Variants in DNM3 observed in about 807,000 individuals in gnomAD.
DNM3 encodes dynamin 3.
DNM3 carries 47 observed loss-of-function variants against 101.6 expected under a neutral mutation model. The observed-to-expected ratio is 0.46, with a 90% CI of 0.37 to 0.59. DNM3 has a LOEUF of 0.59. DNM3 is among the 20% of genes least tolerant of loss of function. DNM3 has a pLI of 0.00. For synonymous variants in DNM3, 385 were observed against 387.9 expected, an observed-to-expected ratio of 0.99 and a Z score of 0.09; for missense variants, 849 against 1,085.7, an observed-to-expected ratio of 0.78 and a Z score of 3.06.
chr1:172,215,986 G>A (rs1052893557), intron 14 of DNM3, among the ~76,000 whole-genome samples: 1,442 of 141,352 alleles, frequency 0.01, 29 homozygotes, highest in African/African-American at 0.036. Flanking sequence ...AAAACTTAAA[G>A]TATAATAATA....
chr1:171,963,539 A>G (rs1160270939), intron 2 of DNM3, among the ~76,000 whole-genome samples: 1 of 152,138 alleles, frequency 6.6e-6, no homozygotes, highest in African/African-American at 2.4e-5. Flanking sequence ...TGATGTATCA[A>G]TATAAGTTCA....
chr1:172,295,281 C>T (rs1042861001), intron 15 of DNM3, among the ~76,000 whole-genome samples: 20 of 152,136 alleles, frequency 1.3e-4, no homozygotes, highest in Non-Finnish European at 2.9e-5. Context: ...TAAGAATTTA[C>T]AACGGGGAAG....
chr1:171,976,513 A>G lies in DNM3; in HGVS notation c.236-11143A>G, dbSNP rs6668588. On this transcript the variant is annotated intron_variant, in intron 2 of 20. Transcript: ENST00000627582. ...TTCACTATCATGAGAACAGAATAGG[A>G]AAGACCCACCTCCATGATTCAATTA... is the stretch of plus-strand genomic sequence containing the variant. Among the ~76,000 whole-genome samples, 1,473 of 152,300 alleles carry G rather than the reference A, an allele frequency of 9.7e-3. 22 individuals are homozygous for G. The highest frequency in any genetic ancestry group is 0.033 in the African/African-American group (1,389 of 41,564).
chr1:171,942,432 C>T lies in DNM3; in HGVS notation c.235+20611C>T, dbSNP rs570288844. 2.6e-5 allele frequency among the ~76,000 whole-genome samples: 4 copies of T among 151,920 alleles called. No homozygotes were observed. The South Asian group carries it at 8.3e-4, about 32-fold the overall frequency. On this transcript the variant is annotated intron_variant, in intron 2 of 20. Transcript: ENST00000627582. ...TGCAAAACTAATACATGTATTTAAA[C>T]TAACACAACCTCAAAGGAATAAAAG...
rs560015204 is a variant in DNM3, at chr1:172,170,242, G to A, written c.1659+38954G>A. 9.2e-5 allele frequency among the ~76,000 whole-genome samples: 14 copies of A among 151,978 alleles called. 1 individual carries two copies. In the South Asian group the frequency reaches 2.9e-3, roughly 32 times the overall value. ...TTAAGTCCTCTCAATATCAAGTGGA[G>A]GTGCCATTAATATTCCCATTTAGTA... On this transcript the variant is annotated intron_variant, in intron 14 of 20. Coordinates refer to ENST00000627582, the MANE Select transcript of DNM3 (RefSeq NM_015569.5).
chr1:172,338,702 A>G (rs2066554888), intron 17 of DNM3: 1 of 389,380 alleles, frequency 2.6e-6, no homozygotes, highest in African/African-American at 2.1e-5. Context: ...CTGAGAGCTC[A>G]TATTAACTCA....
intron 15 of DNM3, among the ~76,000 whole-genome samples, chr1:172,259,928 A>G (rs2062570965): frequency 6.6e-6 from 1 of 151,176 alleles, no homozygotes; most frequent in Non-Finnish European, 1.5e-5. Flanking sequence ...TGGTTTTTAT[A>G]TTTGCATGTG....
At chr1:172,210,902 T>C (rs609222) in intron 14 of DNM3, among the ~76,000 whole-genome samples, 6,872 of 152,056 alleles carry the variant, frequency 0.045, 530 homozygotes, top group African/African-American at 0.16. Context: ...AGTTTAGAGA[T>C]AAACATGATA....
intron 2 of DNM3, among the ~76,000 whole-genome samples, chr1:171,973,402 C>CT (rs757098066): frequency 8.3e-4 from 126 of 151,472 alleles, no homozygotes; most frequent in Non-Finnish European, 1.2e-3. Flanking sequence ...TTACTCAATT[C>CT]TTTTTTTTTA....
chr1:172,207,305 G>A (rs183351138), intron 14 of DNM3, among the ~76,000 whole-genome samples: 1 of 152,220 alleles, frequency 6.6e-6, no homozygotes, highest in East Asian at 1.9e-4. Context: ...CAATAAGTGT[G>A]TGAATAGTTC....
chr1:172,375,540 G>T (rs2068552267), intron 17 of DNM3, among the ~76,000 whole-genome samples: 1 of 151,944 alleles, frequency 6.6e-6, no homozygotes, highest in Non-Finnish European at 1.5e-5. Flanking sequence ...GATTTACTAA[G>T]AAAAAGTCTT....
Position 172,048,605 on chromosome 1 carries a change from CCTT to C in DNM3, c.1197-5_1197-3del. On this transcript the variant is annotated splice_polypyrimidine_tract_variant and splice_region_variant and intron_variant, in intron 9 of 20. Transcript: ENST00000627582. ...ATCTCATGGGCTGCTTGCTTTCTTA[CCTT>C]CAGGACAGGGTTGTTTACTCCAGAC... is the stretch of plus-strand genomic sequence containing the variant. 6.3e-7 allele frequency: 1 copy of C among 1,596,716 alleles called. No homozygotes were observed. Among genetic ancestry groups the C allele is most frequent in the Non-Finnish European group, 8.5e-7 (1 of 1,174,406 alleles).
chr1:172,190,960 G>A (rs1278188793), intron 14 of DNM3, among the ~76,000 whole-genome samples: 1 of 152,126 alleles, frequency 6.6e-6, no homozygotes, highest in African/African-American at 2.4e-5. Context: ...CTCCCATTCT[G>A]TAGGTTGCCT....
chr1:172,227,304 A>ATATATATATATATATATATC (rs1215756972), intron 14 of DNM3, among the ~76,000 whole-genome samples: 1 of 131,536 alleles, frequency 7.6e-6, no homozygotes, highest in South Asian at 2.5e-4. Context: ...ATATATATAT[A>ATATATATATATATATATATC]TCACATTTTC....
chr1:172,178,255 G>A (rs2059222582), intron 14 of DNM3, among the ~76,000 whole-genome samples: 1 of 151,858 alleles, frequency 6.6e-6, no homozygotes, highest in African/African-American at 2.4e-5. Context: ...GTGGCATATG[G>A]CTGTAATAAG....
chr1:171,852,098 A>T (rs2033044888), intron 1 of DNM3, among the ~76,000 whole-genome samples: 1 of 152,248 alleles, frequency 6.6e-6, no homozygotes, highest in Admixed American at 6.5e-5. Context: ...TTATTAATTT[A>T]AAAAAGCTGT....
intron 1 of DNM3, among the ~76,000 whole-genome samples, chr1:171,910,774 T>A (rs552521031): frequency 6.6e-6 from 1 of 152,288 alleles, no homozygotes; most frequent in Non-Finnish European, 1.5e-5. Context: ...AGTCTGTGCC[T>A]TATAGAAATG....
intron 2 of DNM3, among the ~76,000 whole-genome samples, chr1:171,936,214 G>T (rs1157651839): frequency 6.6e-6 from 1 of 151,930 alleles, no homozygotes; most frequent in Non-Finnish European, 1.5e-5. Flanking sequence ...AAACAGCCGG[G>T]CATAGTGGCA....
chr1:172,121,388 A>G (rs2056309898), intron 13 of DNM3, among the ~76,000 whole-genome samples: 1 of 152,268 alleles, frequency 6.6e-6, no homozygotes, highest in African/African-American at 2.4e-5. Context: ...CTGGGAAGCA[A>G]TAAGAAGAGA....
Sources: allele counts gnomAD v4.1 joint callset (sites outside exome capture counted in the v4.1 genomes callset), GRCh38; gene constraint gnomAD v4.1.1; transcripts MANE v1.5; gene names NCBI Gene and HGNC (gene_info 2026-07-23, HGNC 2026-07-21).